SLC25A21: variants seen among roughly 807,000 people sequenced by gnomAD.
SLC25A21 encodes mitochondrial 2-oxodicarboxylate carrier.
Under a neutral mutation model 43.8 loss-of-function variants are expected in SLC25A21, and 47 were observed. The ratio of observed to expected loss-of-function variants is 1.07; its 90% CI spans 0.85 to 1.37. The LOEUF (loss-of-function observed/expected upper bound fraction) is 1.37, where lower values mean the gene tolerates loss of function less well. SLC25A21 is among the 40% of genes most tolerant of loss of function. The pLI is 0.00. For synonymous variants in SLC25A21, 131 were observed against 121.3 expected, an observed-to-expected ratio of 1.08 and a Z score of -0.52; for missense variants, 352 against 350.2, an observed-to-expected ratio of 1.00 and a Z score of -0.04.
At chr14:36,802,488 A>C (rs1485082196) in intron 3 of SLC25A21, among the ~76,000 whole-genome samples, 2 of 152,190 alleles carry the variant, frequency 1.3e-5, no homozygotes, top group Admixed American at 6.6e-5. Context: ...CAACACAATA[A>C]AATAAGTATG....
chr14:37,076,144 T>TA (rs1460912773), intron 1 of SLC25A21, among the ~76,000 whole-genome samples: 3 of 152,318 alleles, frequency 2.0e-5, no homozygotes, highest in Non-Finnish European at 4.4e-5. Flanking sequence ...GGCCACATTG[T>TA]AAGACTTCTT....
intron 2 of SLC25A21, among the ~76,000 whole-genome samples, chr14:36,838,810 G>T (rs921264371): frequency 1.3e-5 from 2 of 152,102 alleles, no homozygotes; most frequent in Non-Finnish European, 2.9e-5. Flanking sequence ...TTATTTCTTA[G>T]TAGTCGCCAG....
intron 6 of SLC25A21, among the ~76,000 whole-genome samples, chr14:36,716,226 T>A (rs1884128044): frequency 6.6e-6 from 1 of 152,086 alleles, no homozygotes; most frequent in African/African-American, 2.4e-5. Context: ...GTAGATAGAA[T>A]AAAACAGTGG....
chr14:36,691,227 C>A (rs563098044), intron 7 of SLC25A21, among the ~76,000 whole-genome samples: 6 of 152,156 alleles, frequency 3.9e-5, no homozygotes, highest in Non-Finnish European at 1.5e-5. Flanking sequence ...CAGGGCTGCA[C>A]CCTCATTCAA....
chr14:37,063,916 T>C (rs911180923), intron 1 of SLC25A21, among the ~76,000 whole-genome samples: 1 of 152,182 alleles, frequency 6.6e-6, no homozygotes, highest in African/African-American at 2.4e-5. Flanking sequence ...CCACCACCCC[T>C]TGTGCCATTG....
At position 36,679,911 on chromosome 14, in the gene SLC25A21, G is replaced by A; in HGVS notation, c.*747C>T. 7 of 947,098 alleles carry A rather than the reference G, an allele frequency of 7.4e-6. No individual in the cohort carries two copies. Among genetic ancestry groups the A allele is most frequent in the Non-Finnish European group, 8.8e-6 (7 of 795,494 alleles). 58.7% of individuals were successfully genotyped at this position (947,098 alleles called of 1,614,324 possible). A position where few individuals can be genotyped will look rare whatever the true frequency, so the allele number is the denominator to read the frequency against. On this transcript the variant is annotated 3_prime_UTR_variant, in exon 10 of 10. Transcript: ENST00000331299. ...ATTTTATTTCATGTTTCCTACTTGT[G>A]TTAGAAGAGATTTGGAATACCTTGA...
At chr14:36,868,873 G>A (rs543812484) in intron 2 of SLC25A21, among the ~76,000 whole-genome samples, 4 of 152,320 alleles carry the variant, frequency 2.6e-5, no homozygotes, top group South Asian at 2.1e-4. Context: ...AGAGAAGGGA[G>A]AAAGCAGAGG....
intron 1 of SLC25A21, among the ~76,000 whole-genome samples, chr14:36,942,635 A>C (rs752783599): frequency 6.6e-6 from 1 of 152,214 alleles, no homozygotes; most frequent in Non-Finnish European, 1.5e-5. Context: ...TGGAGAGGAA[A>C]AAGACCAGCT....
At chr14:36,971,506 A>T (rs1030529309) in intron 1 of SLC25A21, among the ~76,000 whole-genome samples, 2 of 152,026 alleles carry the variant, frequency 1.3e-5, no homozygotes, top group South Asian at 2.1e-4. Flanking sequence ...TCCTATGTAA[A>T]TATCAGACCT....
chr14:36,950,932 G>T (rs1892794502), intron 1 of SLC25A21, among the ~76,000 whole-genome samples: 1 of 152,168 alleles, frequency 6.6e-6, no homozygotes, highest in Non-Finnish European at 1.5e-5. Context: ...AGCAAGGAAT[G>T]CATATTCTAG....
chr14:37,080,553 T>C (rs1219522193), intron 1 of SLC25A21, among the ~76,000 whole-genome samples: 2 of 152,210 alleles, frequency 1.3e-5, no homozygotes, highest in African/African-American at 2.4e-5. Flanking sequence ...TGAGCCATGA[T>C]CGTGCCACTG....
chr14:36,855,811 A>C (rs964919008), intron 2 of SLC25A21, among the ~76,000 whole-genome samples: 4 of 152,200 alleles, frequency 2.6e-5, no homozygotes, highest in African/African-American at 9.7e-5. Flanking sequence ...GTCACATATC[A>C]ATACGTATGC....
chr14:36,771,299 A>C (rs1032629392), intron 3 of SLC25A21, among the ~76,000 whole-genome samples: 5 of 152,254 alleles, frequency 3.3e-5, no homozygotes, highest in African/African-American at 1.2e-4. Flanking sequence ...AAAAGATACA[A>C]AATAAATCAC....
At chr14:37,111,206 G>A (rs2138877690) in intron 1 of SLC25A21, among the ~76,000 whole-genome samples, 1 of 151,264 alleles carries the variant, frequency 6.6e-6, no homozygotes, top group East Asian at 1.9e-4. Context: ...AATTCAACCT[G>A]TTAAACTGAT....
intron 1 of SLC25A21, among the ~76,000 whole-genome samples, chr14:37,036,196 AT>A (rs150443317): frequency 2.6e-5 from 4 of 151,574 alleles, no homozygotes; most frequent in Non-Finnish European, 5.9e-5. Flanking sequence ...AATGCCAGAG[AT>A]TTTTTTTTCC....
intron 1 of SLC25A21, among the ~76,000 whole-genome samples, chr14:36,945,798 T>C (rs7145000): frequency 0.018 from 2,697 of 152,292 alleles, 73 homozygotes; most frequent in African/African-American, 0.061. Flanking sequence ...ATGGTGGAGA[T>C]GGCTGTGCAA....
intron 1 of SLC25A21, among the ~76,000 whole-genome samples, chr14:36,912,190 A>G (rs1206715746): frequency 6.6e-6 from 1 of 152,224 alleles, no homozygotes; most frequent in Non-Finnish European, 1.5e-5. Context: ...ATTTATGGCA[A>G]TGATGTTCAC....
At chr14:37,020,396 A>C (rs1349821978) in intron 1 of SLC25A21, among the ~76,000 whole-genome samples, 1 of 151,796 alleles carries the variant, frequency 6.6e-6, no homozygotes, top group Non-Finnish European at 1.5e-5. Context: ...TCCCATTTAG[A>C]GATTCACCTA....
At chr14:36,869,097 C>T (rs1488214485) in intron 2 of SLC25A21, among the ~76,000 whole-genome samples, 2 of 152,166 alleles carry the variant, frequency 1.3e-5, no homozygotes, top group Admixed American at 1.3e-4. Flanking sequence ...GGCTCCTTAG[C>T]AATTCTGCAA....
Sources: allele counts gnomAD v4.1 joint callset (sites outside exome capture counted in the v4.1 genomes callset), GRCh38; gene constraint gnomAD v4.1.1; transcripts MANE v1.5; gene names NCBI Gene and HGNC (gene_info 2026-07-23, HGNC 2026-07-21).